The following AP4M1 variants were observed in gnomAD, a reference collection of about 807,000 sequenced individuals.
AP4M1 encodes AP-4 complex subunit mu-1.
Under a neutral mutation model 62.4 loss-of-function variants are expected in AP4M1, and 58 were observed. The observed-to-expected ratio is 0.93, with a 90% confidence interval of 0.75 to 1.16. The LOEUF (loss-of-function observed/expected upper bound fraction) is 1.16. Among genes scored for constraint, AP4M1 ranks in the 50% most tolerant of loss-of-function variants. The pLI is 0.00. For missense variants in AP4M1, 626 were observed against 585.4 expected (o/e 1.07, Z -0.72); for synonymous variants, 290 against 239.7 (o/e 1.21, Z -1.94).
chr7:100,103,515 G>A lies in AP4M1; in HGVS notation c.458G>A (p.Gly153Asp), dbSNP rs797045250. ...PFSLFDLSSV[G>D]LFGAETQQSK... is the part of the protein sequence containing the mutation. ...AGCCTCTTTGACCTCAGCAGCGTTG[G>A]CTTGGTCAGTAGAGGGAAAGAGGAG... The change falls in exon 5 of 15, where the codon GGC becomes GAC. Residue 153 changes from glycine to aspartate, a missense_variant. Transcript: ENST00000359593. The A allele has an allele frequency of 6.2e-7, 1 of 1,614,052 alleles. No homozygotes were observed. The highest frequency in any genetic ancestry group is 1.3e-5 in the African/African-American group (1 of 74,930).
chr7:100,106,856 A>G lies in AP4M1; in HGVS notation c.1336A>G (p.Ser446Gly), dbSNP rs762192859. 1.2e-6 allele frequency: 2 copies of G among 1,613,666 alleles called. No homozygotes were observed. The highest frequency in any genetic ancestry group is 3.3e-5 in the Admixed American group (2 of 60,030). ...CAAGTGGGTGCGACACCTAAGCCAC[A>G]GCGACGCCTATGTCATTCGGATCTG... ...PHKWVRHLSHSDAYVIRI is the reference protein window; with the variant it reads ...PHKWVRHLSHGDAYVIRI Residue 446 changes from serine to glycine, a missense_variant, in exon 15 of 15, where the codon AGC becomes GGC. Coordinates refer to ENST00000359593, the MANE Select transcript of AP4M1 (RefSeq NM_004722.4).
Position 100,106,892 on chromosome 7 carries a change from A to G in AP4M1, c.*10A>G. ...TGTCATTCGGATCTGAGGCTCCCCAAACGAGGACACGACGGCCAAGGTGGC... is the reference window on the plus strand; with the variant it reads ...TGTCATTCGGATCTGAGGCTCCCCAGACGAGGACACGACGGCCAAGGTGGC... On this transcript the variant is annotated 3_prime_UTR_variant, in exon 15 of 15. Coordinates refer to ENST00000359593, the MANE Select transcript of AP4M1 (RefSeq NM_004722.4). The G allele has an allele frequency of 1.2e-6, 2 of 1,610,700 alleles. No individual in the cohort carries two copies. The highest frequency in any genetic ancestry group is 1.7e-6 in the Non-Finnish European group (2 of 1,179,532).
intron 11 of AP4M1, 82 bp downstream of exon 11, chr7:100,105,621 G>A: frequency 7.2e-7 from 1 of 1,388,246 alleles, no homozygotes; most frequent in Non-Finnish European, 1.0e-6. Context: ...TGCAGAGTGG[G>A]GGTGGTGGTA....
chr7:100,106,601 C>T, intron 14 of AP4M1, 57 bp from the exon 15 acceptor site: 1 of 885,206 alleles, frequency 1.1e-6, no homozygotes, highest in Non-Finnish European at 1.7e-6. Context: ...CTGCCTGGTT[C>T]CCCCAGCGTG....
intron 11 of AP4M1, 54 bp downstream of exon 11, chr7:100,105,593 T>C: frequency 6.6e-7 from 1 of 1,526,036 alleles, no homozygotes; most frequent in Non-Finnish European, 9.0e-7. Flanking sequence ...CCAAGACCTG[T>C]ATGTTCCCAA....
chr7:100,105,145 G>T (rs1434154330), intron 9 of AP4M1, 47 bp downstream of exon 9: 6 of 1,613,226 alleles, frequency 3.7e-6, no homozygotes, highest in Non-Finnish European at 5.1e-6. Context: ...GTCATTGCCA[G>T]AGTTCATGGA....
chr7:100,103,387 A>T (rs1295654193), intron 4 of AP4M1, 22 bp from the exon 5 acceptor site: 3 of 1,602,010 alleles, frequency 1.9e-6, no homozygotes, highest in East Asian at 2.2e-5. Context: ...GATCACTCAG[A>T]CTGTCCTTCC....
Position 100,108,411 on chromosome 7 carries a change from G to C in AP4M1, c.*1529G>C, listed in dbSNP as rs759059228. On this transcript the variant is annotated 3_prime_UTR_variant, in exon 15 of 15. Transcript: ENST00000359593. ...GTCCTGTTGACCTGCTGAGCCTGCA[G>C]AGCAGCCTGGGCCCGAGCCTTGACC... The C allele has an allele frequency of 1.2e-6, 2 of 1,613,382 alleles. No individual in the cohort carries two copies. The highest frequency in any genetic ancestry group is 2.2e-5 in the South Asian group (2 of 91,068).
intron 11 of AP4M1, 30 bp from the exon 12 acceptor site, chr7:100,105,928 CT>C: frequency 6.2e-7 from 1 of 1,613,858 alleles, no homozygotes; most frequent in Non-Finnish European, 8.5e-7. Flanking sequence ...AGAAGATGGC[CT>C]GAGTCGTGGT....
At chr7:100,100,871 G>C (rs1036323420), upstream of AP4M1, 6 of 1,036,330 alleles carry the variant, frequency 5.8e-6, no homozygotes, top group Non-Finnish European at 7.0e-6. Flanking sequence ...CGGGGCCTAC[G>C]CGCGCCTGGG....
chr7:100,106,185 A>T (rs184116874), intron 12 of AP4M1, 56 bp from the exon 13 acceptor site: 6 of 1,601,024 alleles, frequency 3.7e-6, no homozygotes, highest in Non-Finnish European at 5.1e-6. Flanking sequence ...TTGAAGAGGA[A>T]CAGGACAAGG....
At chr7:100,101,375 A>C, upstream of AP4M1, 5 of 1,588,870 alleles carry the variant, frequency 3.1e-6, no homozygotes, top group African/African-American at 2.7e-5. Context: ...CGCGCGGTGG[A>C]CTGTGGCCGG....
intron 6 of AP4M1, 116 bp from the exon 7 acceptor site, chr7:100,103,976 C>T (rs1352062277): frequency 1.1e-6 from 1 of 907,822 alleles, no homozygotes; most frequent in Non-Finnish European, 1.8e-6. Flanking sequence ...CCTTCCATCA[C>T]CCATGTCCTC....
chr7:100,108,707 G>A lies in AP4M1; in HGVS notation c.*1825G>A. ...GGCCAAATTATGCTGAACTATTAGT[G>A]TGTGTACAGAACACTGTGGGCTTTC... On this transcript the variant is annotated 3_prime_UTR_variant, in exon 15 of 15. Transcript: ENST00000359593. The A allele has an allele frequency of 3.0e-6, 2 of 671,016 alleles. No homozygotes were observed. Among genetic ancestry groups the A allele is most frequent in the Non-Finnish European group, 5.0e-6 (2 of 403,534 alleles). 41.6% of individuals were successfully genotyped at this position (671,016 alleles called of 1,614,324 possible).
chr7:100,106,767 G>A lies in AP4M1; in HGVS notation c.1247G>A (p.Cys416Tyr). 6.2e-7 allele frequency: 1 copy of A among 1,614,058 alleles called. No homozygotes were observed. Among genetic ancestry groups the A allele is most frequent in the Non-Finnish European group, 8.5e-7 (1 of 1,180,044 alleles). Residue 416 changes from cysteine to tyrosine, a missense_variant, in exon 15 of 15, where the codon TGC (cysteine) becomes TAC (tyrosine). Transcript: ENST00000359593. The stretch of plus-strand genomic sequence containing the variant: ...TCCTTCGAGCTTCCCCGGCACACGT[G>A]CTCTGGCCTCCAGGTCCGATTCCTC... ...SLSFELPRHT[C>Y]SGLQVRFLRL...
chr7:100,101,618 C>T, upstream of AP4M1: 3 of 1,307,430 alleles, frequency 2.3e-6, no homozygotes, highest in Non-Finnish European at 1.1e-6. Flanking sequence ...GAGAATCGCT[C>T]TTAAAGGGCC....
chr7:100,107,036 C>T lies in AP4M1; in HGVS notation c.*154C>T. ...GGAGGGGGCAATGGGCCCAGCCTTT[C>T]TGTGGTATCTGATGCAGGAAGGACT... On this transcript the variant is annotated 3_prime_UTR_variant, in exon 15 of 15. Transcript: ENST00000359593. 8.3e-7 allele frequency: 1 copy of T among 1,206,064 alleles called. No homozygotes were observed. Among genetic ancestry groups the T allele is most frequent in the Non-Finnish European group, 1.2e-6 (1 of 849,140 alleles). The allele number at this position is 1,206,064 out of a possible 1,614,324, so 74.7% of individuals were successfully genotyped here. A position where few individuals can be genotyped will look rare whatever the true frequency, so the allele number is the denominator to read the frequency against.
At position 100,106,694 on chromosome 7, in the gene AP4M1, G is replaced by T. The variant is rs752993121; in HGVS notation, c.1174G>T (p.Gly392Trp). Reference sequence around the variant, plus strand: ...AGGGCCCCCAGGACCTCCCAGCCATGGGCTCTCCACCTCGGCCTCTCCTCT... The same window carrying T: ...AGGGCCCCCAGGACCTCCCAGCCATTGGCTCTCCACCTCGGCCTCTCCTCT... ...VPGPPGPPSH[G>W]LSTSASPLGL... Residue 392 changes from glycine (G) to tryptophan (W), a missense_variant, in exon 15 of 15, where the codon GGG (glycine) becomes TGG (tryptophan). Gly to Trp is a radical substitution (Grantham distance 184). Coordinates refer to ENST00000359593, the MANE Select transcript of AP4M1 (RefSeq NM_004722.4). 3.7e-6 allele frequency: 6 copies of T among 1,613,510 alleles called. No homozygotes were observed. The Admixed American group carries it at 1.0e-4, about 27-fold the overall frequency.
rs2116650324 is a variant in AP4M1 at position 100,105,032 on chromosome 7, TCTC to T, written c.674-8_674-6del. On this transcript the variant is annotated splice_polypyrimidine_tract_variant and intron_variant, in intron 8 of 14. Coordinates refer to ENST00000359593, the MANE Select transcript of AP4M1 (RefSeq NM_004722.4). Reference sequence around the variant, plus strand: ...GCATTGCTGAGCTCTCCTGATGGTCTCTCCTCCGACAGAGATGCGCATTGGCTT... The same window carrying T: ...GCATTGCTGAGCTCTCCTGATGGTCTCTCCGACAGAGATGCGCATTGGCTT... 6.2e-7 allele frequency: 1 copy of T among 1,614,110 alleles called. No individual in the cohort carries two copies. Among genetic ancestry groups the T allele is most frequent in the Non-Finnish European group, 8.5e-7 (1 of 1,180,016 alleles).
Sources: allele counts gnomAD v4.1 joint callset, GRCh38; gene constraint gnomAD v4.1.1; transcripts MANE v1.5; gene names NCBI Gene and HGNC (gene_info 2026-07-23, HGNC 2026-07-21).